Variants in SVIL observed in about 807,000 individuals in gnomAD.
The protein encoded by SVIL is archvillin.
In SVIL, 101 loss-of-function variants were observed where a neutral mutation model predicts 240.4. That is an observed-to-expected ratio of 0.42 (90% confidence interval 0.36 to 0.50). The LOEUF is 0.50. SVIL is among the 20% of genes least tolerant of loss of function. The pLI is 0.01. For missense variants in SVIL, 2,512 were observed against 2,818.7 expected, an observed-to-expected ratio of 0.89 and a Z score of 2.46; for synonymous variants, 999 against 1,100.0, an observed-to-expected ratio of 0.91 and a Z score of 1.82.
At chr10:29,529,459 A>T (rs1951195844) in intron 12 of SVIL, among the ~76,000 whole-genome samples, 1 of 152,180 alleles carries the variant, frequency 6.6e-6, no homozygotes, top group Admixed American at 6.5e-5. Flanking sequence ...AGAGATTTTT[A>T]AAATATCAAT....
At chr10:29,550,080 C>T (rs769909370) in intron 6 of SVIL, among the ~76,000 whole-genome samples, 29 of 119,864 alleles carry the variant, frequency 2.4e-4, no homozygotes, top group Non-Finnish European at 4.4e-4. Context: ...ACATAAGAAA[C>T]GCACAAAGAA....
Position 29,554,653 on chromosome 10 carries a change from C to T in SVIL, c.160+130G>A, listed in dbSNP as rs4749457. On this transcript the variant is annotated intron_variant, in intron 5 of 37. Transcript: ENST00000355867. The stretch of plus-strand genomic sequence containing the variant: ...CTGTGTGACAGAGTGAAACCTTGTG[C>T]TAAAAAAATTATATCCACACAATTC... 0.26 allele frequency: 320,136 copies of T among 1,215,038 alleles called. 43,693 individuals are homozygous for T. Among genetic ancestry groups the T allele is most frequent in the African/African-American group, 0.39 (25,093 of 64,826 alleles). 75.3% of individuals were successfully genotyped at this position (1,215,038 alleles called of 1,614,324 possible).
intron 1 of SVIL, among the ~76,000 whole-genome samples, chr10:29,588,765 C>T (rs1268980110): frequency 1.3e-5 from 2 of 152,118 alleles, no homozygotes; most frequent in African/African-American, 4.8e-5. Flanking sequence ...CTTAGGGTAC[C>T]TTATGTAAAA....
chr10:29,629,720 G>T (rs1958012232), intron 1 of SVIL, among the ~76,000 whole-genome samples: 1 of 149,004 alleles, frequency 6.7e-6, no homozygotes, highest in African/African-American at 2.4e-5. Flanking sequence ...GCTCACACCT[G>T]TAATCCCAGT....
intron 2 of SVIL, among the ~76,000 whole-genome samples, chr10:29,669,853 C>G (rs1375648550): frequency 6.6e-6 from 1 of 152,206 alleles, no homozygotes; most frequent in Non-Finnish European, 1.5e-5. Context: ...GGTGGCAACG[C>G]CTATAATCTC....
At chr10:29,606,360 G>GA (rs1957022819) in intron 1 of SVIL, among the ~76,000 whole-genome samples, 1 of 152,062 alleles carries the variant, frequency 6.6e-6, no homozygotes, top group South Asian at 2.1e-4. Flanking sequence ...TTTTGATTTT[G>GA]AAAAAATTTA....
chr10:29,650,459 C>G (rs970216194), intron 3 of SVIL, among the ~76,000 whole-genome samples: 2 of 151,920 alleles, frequency 1.3e-5, no homozygotes, highest in African/African-American at 4.8e-5. Context: ...GGTCCAAACC[C>G]CAACCAACTG....
At chr10:29,490,493 A>G (rs1947841155) in intron 22 of SVIL, among the ~76,000 whole-genome samples, 1 of 151,670 alleles carries the variant, frequency 6.6e-6, no homozygotes, top group Non-Finnish European at 1.5e-5. Flanking sequence ...TGTGCCTGTA[A>G]TCCCAGCACT....
At chr10:29,475,206 A>T (rs1946060936) in intron 29 of SVIL, 3 of 152,128 alleles carry the variant, frequency 2.0e-5, no homozygotes, top group Admixed American at 2.0e-4. Flanking sequence ...TTATTTTTAA[A>T]ATTTTGTAGA....
intron 1 of SVIL, among the ~76,000 whole-genome samples, chr10:29,713,200 A>AG (rs1054466312): frequency 6.6e-6 from 1 of 151,750 alleles, no homozygotes; most frequent in African/African-American, 2.4e-5. Context: ...AAAAAAAAAA[A>AG]CTGCAGTGGT....
intron 1 of SVIL, among the ~76,000 whole-genome samples, chr10:29,691,810 T>C (rs1235752825): frequency 6.6e-6 from 1 of 152,180 alleles, no homozygotes; most frequent in African/African-American, 2.4e-5. Flanking sequence ...TAACACTCTG[T>C]TATAGGTAGA....
At chr10:29,590,315 G>A (rs144514270) in intron 1 of SVIL, among the ~76,000 whole-genome samples, 2 of 151,660 alleles carry the variant, frequency 1.3e-5, no homozygotes, top group Non-Finnish European at 2.9e-5. Context: ...CAGGTTCCCA[G>A]CACAAAAGAG....
chr10:29,592,872 T>G lies in SVIL; in HGVS notation c.-200-23560A>C, dbSNP rs140462985. Among the ~76,000 whole-genome samples the G allele has an allele frequency of 1.9e-3, 295 of 152,330 alleles. 2 individuals are homozygous for G. Among genetic ancestry groups the G allele is most frequent in the African/African-American group, 6.7e-3 (280 of 41,582 alleles). Reference sequence around the variant, plus strand: ...TCATTCTAATGACTAATGTTCTATCTCATTCTTTAGGGCTAGCAAAAGGGT... The same window carrying G: ...TCATTCTAATGACTAATGTTCTATCGCATTCTTTAGGGCTAGCAAAAGGGT... On this transcript the variant is annotated intron_variant, in intron 1 of 37. Transcript: ENST00000355867.
intron 1 of SVIL, among the ~76,000 whole-genome samples, chr10:29,585,108 G>C (rs1268526426): frequency 9.4e-5 from 14 of 148,678 alleles, no homozygotes; most frequent in Non-Finnish European, 1.6e-4. Flanking sequence ...TTTGAGACAG[G>C]TTCTCCCTCT....
intron 5 of SVIL, among the ~76,000 whole-genome samples, chr10:29,552,223 A>AAT (rs61489569): frequency 0.3 from 45,147 of 151,584 alleles, 6,975 homozygotes; most frequent in African/African-American, 0.38. Context: ...TAAAATAGTT[A>AAT]GTTATTAATG....
chr10:29,613,315 A>T (rs1957318171), intron 1 of SVIL, among the ~76,000 whole-genome samples: 1 of 152,114 alleles, frequency 6.6e-6, no homozygotes, highest in Admixed American at 6.6e-5. Flanking sequence ...ATATTTTTCA[A>T]GATCTTTATC....
chr10:29,511,646 T>A (rs1426569711), intron 17 of SVIL, among the ~76,000 whole-genome samples: 1 of 152,254 alleles, frequency 6.6e-6, no homozygotes, highest in Non-Finnish European at 1.5e-5. Flanking sequence ...ATATACTTTC[T>A]AAATATCTAG....
chr10:29,682,506 G>A (rs1034210744), intron 2 of SVIL, among the ~76,000 whole-genome samples: 5 of 152,164 alleles, frequency 3.3e-5, no homozygotes, highest in African/African-American at 4.8e-5. Flanking sequence ...GGAGCTTATC[G>A]TCTAGTGATC....
At chr10:29,492,670 G>T (rs904365528) in intron 21 of SVIL, among the ~76,000 whole-genome samples, 1 of 152,104 alleles carries the variant, frequency 6.6e-6, no homozygotes, top group African/African-American at 2.4e-5. Context: ...TTCCTAGTTG[G>T]TTTAGTCATG....
Sources: allele counts gnomAD v4.1 joint callset (sites outside exome capture counted in the v4.1 genomes callset), GRCh38; gene constraint gnomAD v4.1.1; transcripts MANE v1.5; gene names NCBI Gene and HGNC (gene_info 2026-07-23, HGNC 2026-07-21).